CHD7: variants seen among roughly 807,000 people sequenced by gnomAD.
CHD7 encodes chromodomain helicase DNA binding protein 7, also known as ATP-dependent chromatin remodeler CHD7.
CHD7 carries 24 observed loss-of-function variants against 307.3 expected under a neutral mutation model. That is an observed-to-expected ratio of 0.08 (90% CI 0.06 to 0.11). CHD7 has a LOEUF of 0.11. Ranked by LOEUF, CHD7 falls within the 10% of genes least tolerant of loss-of-function variation. CHD7 has a pLI of 1.00. For synonymous variants in CHD7, 1,363 were observed against 1,349.9 expected, an observed-to-expected ratio of 1.01 and a Z score of -0.21; for missense variants, 3,106 against 3,727.1, an observed-to-expected ratio of 0.83 and a Z score of 4.34.
chr8:60,825,543 G>C (rs890656239), intron 13 of CHD7: 1 of 152,188 alleles, frequency 6.6e-6, no homozygotes, highest in African/African-American at 2.4e-5. Context: ...GTTCACTCCA[G>C]GTGATACTTA....
At chr8:60,761,927 G>T (rs1194458860) in intron 2 of CHD7, among the ~76,000 whole-genome samples, 1 of 152,130 alleles carries the variant, frequency 6.6e-6, no homozygotes, top group Non-Finnish European at 1.5e-5. Context: ...AGAGAACTGG[G>T]CCCACTTGGG....
chr8:60,752,075 T>G lies in CHD7; in HGVS notation c.1665+8978T>G, dbSNP rs1031709609. ...TTAAAGTGTATTTGTCCTGTTTTCCTCTACTGCTTTCTGTGTTTAGTTCTA... is the reference window on the plus strand; with the variant it reads ...TTAAAGTGTATTTGTCCTGTTTTCCGCTACTGCTTTCTGTGTTTAGTTCTA... On this transcript the variant is annotated intron_variant, in intron 2 of 37. Coordinates refer to ENST00000423902, the MANE Select transcript of CHD7 (RefSeq NM_017780.4). Among the ~76,000 whole-genome samples, 3 of 152,338 alleles carry G rather than the reference T, an allele frequency of 2.0e-5. No individual in the cohort carries two copies. The East Asian group carries it at 5.8e-4, about 29-fold the overall frequency.
At position 60,771,277 on chromosome 8, in the gene CHD7, G is replaced by C. The variant is rs79236862; in HGVS notation, c.1666-9723G>C. Among the ~76,000 whole-genome samples, 740 of 152,370 alleles carry C rather than the reference G, an allele frequency of 4.9e-3. 10 individuals carry two copies. The highest frequency in any genetic ancestry group is 0.017 in the African/African-American group (687 of 41,594). ...GTATACATTAGTTATTTATTGTTAT[G>C]TGACACTTTACAGGTTGACTATCTC... On this transcript the variant is annotated intron_variant, in intron 2 of 37. Transcript: ENST00000423902.
chr8:60,787,961 A>G (rs1214872857), intron 3 of CHD7, among the ~76,000 whole-genome samples: 2 of 150,822 alleles, frequency 1.3e-5, no homozygotes, highest in African/African-American at 4.9e-5. Context: ...GCTTGGGTCT[A>G]CAGGCATGCA....
intron 19 of CHD7, among the ~76,000 whole-genome samples, chr8:60,839,881 A>T (rs1804892939): frequency 6.6e-6 from 1 of 152,238 alleles, no homozygotes; most frequent in South Asian, 2.1e-4. Flanking sequence ...TTAATAGCAT[A>T]TAATTTTAAT....
intron 2 of CHD7, among the ~76,000 whole-genome samples, chr8:60,762,451 C>CT (rs1810261761): frequency 6.6e-6 from 1 of 152,014 alleles, no homozygotes; most frequent in Admixed American, 6.5e-5. Flanking sequence ...AGTCCCGACT[C>CT]TGTCACTTAG....
In CHD7 at chr8:60,855,971, C is replaced by G. The variant is rs758780831; in HGVS notation, c.6937-4C>G. Reference sequence around the variant, plus strand: ...ATTTCTTGTGACTTTTCTTCTCCCTCCAGGATAGAGTAATGATAAACCGCT... The same window carrying G: ...ATTTCTTGTGACTTTTCTTCTCCCTGCAGGATAGAGTAATGATAAACCGCT... On this transcript the variant is annotated splice_polypyrimidine_tract_variant and splice_region_variant and intron_variant, in intron 32 of 37. Coordinates refer to ENST00000423902, the MANE Select transcript of CHD7 (RefSeq NM_017780.4). The G allele has an allele frequency of 1.3e-6, 2 of 1,593,604 alleles. No individual in the cohort carries two copies. Among genetic ancestry groups the G allele is most frequent in the Middle Eastern group, 1.7e-4 (1 of 6,040 alleles).
intron 35 of CHD7, 75 bp downstream of exon 35, chr8:60,861,200 C>G: frequency 5.3e-6 from 6 of 1,125,550 alleles, no homozygotes; most frequent in Non-Finnish European, 7.6e-6. Flanking sequence ...ACATAGAAAT[C>G]CCTGACAGCT....
rs772957679 is a variant in CHD7 at position 60,865,163 on chromosome 8, A to C, written c.8224A>C (p.Asn2742His). ...TGCTGTGGCCTCCACGTCAGGGATC[A>C]ACCCTTTGCTGGTGAACAGCCTGTT... ...AAAVASTSGI[N>H]PLLVNSLFAG... The change falls in exon 38 of 38, where the codon AAC becomes CAC. Residue 2742 changes from asparagine (N) to histidine (H), a missense_variant. Asn to His is a moderately conservative substitution (Grantham distance 68). Around this residue, in one of 10 missense-constraint regions of CHD7, gnomAD observed 351 missense variants for 366.2 expected, o/e 0.96. Transcript: ENST00000423902. The surrounding 1 kb of genome is among the most constrained non-coding windows in gnomAD (Gnocchi z 4.3). The C allele has an allele frequency of 1.9e-6, 3 of 1,612,268 alleles. No homozygotes were observed. The highest frequency in any genetic ancestry group is 3.3e-5 in the Admixed American group (2 of 59,810).
At chr8:60,857,105 A>G (rs1805753697) in intron 34 of CHD7, among the ~76,000 whole-genome samples, 1 of 152,222 alleles carries the variant, frequency 6.6e-6, no homozygotes. Context: ...TATTCTTCCC[A>G]AGTTCTGATG....
intron 6 of CHD7, among the ~76,000 whole-genome samples, chr8:60,805,710 A>G (rs1812505087): frequency 6.6e-6 from 1 of 152,214 alleles, no homozygotes; most frequent in Admixed American, 6.5e-5. Flanking sequence ...GAGACCATTT[A>G]GAATGAGAAG....
chr8:60,693,350 A>G (rs1586170701), intron 1 of CHD7, among the ~76,000 whole-genome samples: 1 of 152,046 alleles, frequency 6.6e-6, no homozygotes, highest in Non-Finnish European at 1.5e-5. Flanking sequence ...TGTCTGCTGC[A>G]CCCTTTAGAC....
At chr8:60,686,755 T>A (rs1805918432) in intron 1 of CHD7, among the ~76,000 whole-genome samples, 1 of 151,768 alleles carries the variant, frequency 6.6e-6, no homozygotes, top group Non-Finnish European at 1.5e-5. Context: ...CCTAGTATCC[T>A]CAGTGTAAAA....
At chr8:60,839,548 T>C (rs1014919636) in intron 19 of CHD7, among the ~76,000 whole-genome samples, 3 of 152,222 alleles carry the variant, frequency 2.0e-5, no homozygotes, top group African/African-American at 7.2e-5. Flanking sequence ...CCAAGTCAGA[T>C]AGTAAGAAGT....
At chr8:60,857,163 T>G (rs1021807645) in intron 34 of CHD7, among the ~76,000 whole-genome samples, 1 of 152,252 alleles carries the variant, frequency 6.6e-6, no homozygotes, top group African/African-American at 2.4e-5. Context: ...CATGTTCTTC[T>G]GAATCTAGAA....
chr8:60,724,415 AC>A (rs1237196782), intron 1 of CHD7, among the ~76,000 whole-genome samples: 1 of 152,236 alleles, frequency 6.6e-6, no homozygotes. Context: ...AGCAGGGAGA[AC>A]AACTGACATT....
intron 1 of CHD7, among the ~76,000 whole-genome samples, chr8:60,716,617 C>T (rs1807615480): frequency 6.6e-6 from 1 of 152,224 alleles, no homozygotes; most frequent in Non-Finnish European, 1.5e-5. Flanking sequence ...CTTCCTCCAA[C>T]CGGTCCCTCT....
Position 60,852,241 on chromosome 8 carries a change from G to C in CHD7, c.5888G>C (p.Arg1963Pro), listed in dbSNP as rs550425758. The C allele has an allele frequency of 6.2e-7, 1 of 1,611,568 alleles. No individual in the cohort carries two copies. The highest frequency in any genetic ancestry group is 2.2e-5 in the East Asian group (1 of 44,862). Reference sequence around the variant, plus strand: ...AGGGAAGCTATTATATCTGAGAAGCGGCAAAAGTGAGTTTCTTCAAGGTTT... The same window carrying C: ...AGGGAAGCTATTATATCTGAGAAGCCGCAAAAGTGAGTTTCTTCAAGGTTT... ...AEREAIISEK[R>P]QKWTRREEAD... The change falls in exon 29 of 38, where the codon CGG (arginine) becomes CCG (proline). Residue 1963 changes from arginine (R) to proline (P), a missense_variant. Physicochemically the swap from Arg to Pro is moderately radical, Grantham distance 103 (BLOSUM62 -2). Coordinates refer to ENST00000423902, the MANE Select transcript of CHD7 (RefSeq NM_017780.4).
At chr8:60,778,512 T>C (rs886798025) in intron 2 of CHD7, among the ~76,000 whole-genome samples, 66 of 152,340 alleles carry the variant, frequency 4.3e-4, no homozygotes, top group African/African-American at 1.5e-3. Flanking sequence ...GTTTTATGCT[T>C]TTTCTAATTC....
Sources: allele counts gnomAD v4.1 joint callset (sites outside exome capture counted in the v4.1 genomes callset), GRCh38; gene constraint gnomAD v4.1.1; regional missense constraint gnomAD v4.1.1; non-coding constraint Gnocchi (gnomAD v3.1); transcripts MANE v1.5; gene names NCBI Gene and HGNC (gene_info 2026-07-23, HGNC 2026-07-21).